The following COBL variants were observed in gnomAD, a reference collection of about 807,000 sequenced individuals.
COBL encodes cordon-bleu WH2 repeat protein.
COBL carries 51 observed loss-of-function variants against 98.8 expected under a neutral mutation model. The ratio of observed to expected loss-of-function variants is 0.52; its 90% CI spans 0.41 to 0.65. The LOEUF (loss-of-function observed/expected upper bound fraction) is 0.65. Among genes scored for constraint, COBL ranks in the 30% least tolerant of loss-of-function variants. The probability of loss-of-function intolerance (pLI) is 0.00; values close to 1 mark genes in which losing one functional copy is unlikely to be tolerated. For missense variants in COBL, 1,617 were observed against 1,617.5 expected (o/e 1.00, Z 0.01); for synonymous variants, 634 against 651.7 (o/e 0.97, Z 0.41).
intron 1 of COBL, among the ~76,000 whole-genome samples, chr7:51,278,954 A>G (rs1221624046): frequency 1.3e-5 from 2 of 152,256 alleles, no homozygotes; most frequent in African/African-American, 2.4e-5. Flanking sequence ...GCACCCACGC[A>G]GCAGGCGGCA....
At chr7:51,294,323 A>C (rs1801195620) in intron 1 of COBL, among the ~76,000 whole-genome samples, 1 of 148,698 alleles carries the variant, frequency 6.7e-6, no homozygotes. Flanking sequence ...TAAATAAATA[A>C]ATAAATAAAA....
At chr7:51,190,399 AG>A (rs2129056453) in intron 4 of COBL, among the ~76,000 whole-genome samples, 1 of 152,128 alleles carries the variant, frequency 6.6e-6, no homozygotes, top group Non-Finnish European at 1.5e-5. Flanking sequence ...ATTTTTTTGT[AG>A]AGACGGGGTC....
intron 7 of COBL, among the ~76,000 whole-genome samples, chr7:51,067,031 C>T (rs1792001817): frequency 6.6e-6 from 1 of 152,226 alleles, no homozygotes; most frequent in Admixed American, 6.5e-5. Context: ...ACAATAACTT[C>T]TGGGAGGCCA....
intron 1 of COBL, among the ~76,000 whole-genome samples, chr7:51,276,386 A>C (rs73330634): frequency 0.028 from 4,232 of 152,270 alleles, 219 homozygotes; most frequent in African/African-American, 0.097. Context: ...CTGAGCTTCT[A>C]TGAAAGGAGT....
chr7:51,187,343 C>T (rs561297332), intron 4 of COBL, among the ~76,000 whole-genome samples: 7,048 of 146,438 alleles, frequency 0.048, 228 homozygotes, highest in Middle Eastern at 0.079. Context: ...CACACACACA[C>T]ACACACACAC....
At chr7:51,124,571 A>G (rs11238433) in intron 6 of COBL, among the ~76,000 whole-genome samples, 67,935 of 151,978 alleles carry the variant, frequency 0.45, 15,448 homozygotes, top group Middle Eastern at 0.68. Context: ...TAATGTTGCT[A>G]GTGGGAACTT....
In COBL at chr7:51,107,646, A is replaced by G. The variant is rs1376290194; in HGVS notation, c.958-22342T>C. ...AAATTGTACACTGGTGCATGTATAC[A>G]AGTTGCCAATCACCAGTACCAACAT... On this transcript the variant is annotated intron_variant, in intron 6 of 12. Transcript: ENST00000265136. Among the ~76,000 whole-genome samples, 3 of 152,178 alleles carry G rather than the reference A, an allele frequency of 2.0e-5. No homozygotes were observed. The South Asian group carries it at 6.2e-4, about 31-fold the overall frequency.
At chr7:51,244,453 C>T (rs1176320707) in intron 1 of COBL, among the ~76,000 whole-genome samples, 1 of 152,058 alleles carries the variant, frequency 6.6e-6, no homozygotes, top group Non-Finnish European at 1.5e-5. Flanking sequence ...ACTCACATGT[C>T]CAAAACCTTC....
At chr7:51,197,387 G>C (rs897600366) in intron 2 of COBL, among the ~76,000 whole-genome samples, 1 of 151,964 alleles carries the variant, frequency 6.6e-6, no homozygotes, top group East Asian at 1.9e-4. Flanking sequence ...CTGAGAGATT[G>C]GTTGTTATTA....
intron 8 of COBL, among the ~76,000 whole-genome samples, chr7:51,036,891 G>C (rs113566885): frequency 1.3e-5 from 2 of 152,226 alleles, no homozygotes; most frequent in African/African-American, 4.8e-5. Context: ...GTTCCCAAAA[G>C]GAACCCTAGA....
At chr7:51,137,146 T>C (rs1356290510) in intron 5 of COBL, among the ~76,000 whole-genome samples, 1 of 152,190 alleles carries the variant, frequency 6.6e-6, no homozygotes, top group African/African-American at 2.4e-5. Flanking sequence ...TCTTCTCTCC[T>C]AGCCCTGGCA....
chr7:51,206,918 G>T (rs1277563394), intron 2 of COBL, among the ~76,000 whole-genome samples: 1 of 152,222 alleles, frequency 6.6e-6, no homozygotes, highest in Non-Finnish European at 1.5e-5. Flanking sequence ...GGACAAGTAA[G>T]CTCTGGAGAT....
intron 8 of COBL, among the ~76,000 whole-genome samples, chr7:51,040,590 C>T (rs1173039651): frequency 6.6e-6 from 1 of 152,160 alleles, no homozygotes; most frequent in East Asian, 1.9e-4. Context: ...GGCATATCTG[C>T]ACTGTGTATG....
rs751067480 is a variant in COBL at position 51,025,184 on chromosome 7, G to A, written c.3693C>T (p.Leu1231=). ...RTASRFSTGT[L]SNTADARQAL... Reference sequence around the variant, plus strand: ...CTTGCCTTGCGTCTGCGGTGTTGCTGAGGGTGCCCGTGCTGAACCTGGAGG... The same window carrying A: ...CTTGCCTTGCGTCTGCGGTGTTGCTAAGGGTGCCCGTGCTGAACCTGGAGG... The change falls in exon 12 of 13, where the codon CTC becomes CTT. Residue 1231 remains leucine, a synonymous_variant. Coordinates refer to ENST00000265136, the MANE Select transcript of COBL (RefSeq NM_015198.5). The A allele has an allele frequency of 6.2e-7, 1 of 1,611,652 alleles. No individual in the cohort carries two copies. Among genetic ancestry groups the A allele is most frequent in the South Asian group, 1.1e-5 (1 of 90,950 alleles).
At chr7:51,046,931 A>G (rs1173220868) in intron 7 of COBL, among the ~76,000 whole-genome samples, 1 of 152,206 alleles carries the variant, frequency 6.6e-6, no homozygotes, top group Non-Finnish European at 1.5e-5. Flanking sequence ...AATCCCTTCT[A>G]GAGTGGAACT....
intron 5 of COBL, among the ~76,000 whole-genome samples, chr7:51,161,326 G>C (rs1786783264): frequency 6.6e-6 from 1 of 152,222 alleles, no homozygotes; most frequent in Admixed American, 6.5e-5. Flanking sequence ...TGTAAGCATA[G>C]GACTCAGGGC....
intron 5 of COBL, among the ~76,000 whole-genome samples, chr7:51,154,991 T>C (rs916652922): frequency 1.3e-5 from 2 of 152,230 alleles, no homozygotes; most frequent in Non-Finnish European, 2.9e-5. Flanking sequence ...TTCCAGGCAC[T>C]GCATTAGTTG....
At chr7:51,264,815 T>A (rs374839545) in intron 1 of COBL, among the ~76,000 whole-genome samples, 1 of 152,060 alleles carries the variant, frequency 6.6e-6, no homozygotes, top group East Asian at 1.9e-4. Flanking sequence ...AAATATACCA[T>A]GTTGGAGTGT....
intron 6 of COBL, among the ~76,000 whole-genome samples, chr7:51,091,567 A>T (rs1198257318): frequency 6.6e-6 from 1 of 152,122 alleles, no homozygotes; most frequent in African/African-American, 2.4e-5. Flanking sequence ...CATTATGGGG[A>T]TCAGAGAAGG....
Sources: gnomAD v4.1 joint callset for allele counts (sites outside exome capture counted in the v4.1 genomes callset) on GRCh38, gnomAD v4.1.1 for gene constraint, MANE v1.5 for transcripts, NCBI Gene and HGNC (gene_info 2026-07-23, HGNC 2026-07-21) for gene names.